The following TRIP4 variants were observed in gnomAD, a reference collection of about 807,000 sequenced individuals.
TRIP4 encodes activating signal cointegrator 1.
TRIP4 carries 54 observed loss-of-function variants against 81.8 expected under a neutral mutation model. That is an observed-to-expected ratio of 0.66 (90% CI 0.53 to 0.83). The LOEUF (loss-of-function observed/expected upper bound fraction) is 0.83, where lower values mean the gene tolerates loss of function less well. Ranked by LOEUF, TRIP4 falls within the 40% of genes least tolerant of loss-of-function variation. TRIP4 has a pLI of 0.00. For synonymous variants in TRIP4, 270 were observed against 242.8 expected (o/e 1.11, Z -1.04); for missense variants, 662 against 683.6 (o/e 0.97, Z 0.35).
At chr15:64,390,118 T>C (rs1229073928) in intron 1 of TRIP4, among the ~76,000 whole-genome samples, 1 of 147,008 alleles carries the variant, frequency 6.8e-6, no homozygotes, top group Non-Finnish European at 1.5e-5. Flanking sequence ...TCAAATATTA[T>C]ATTAAATATA....
intron 8 of TRIP4, among the ~76,000 whole-genome samples, chr15:64,414,512 CTTTTTTT>C (rs869202504): frequency 1.5e-4 from 13 of 87,058 alleles, no homozygotes; most frequent in Middle Eastern, 9.3e-3. Flanking sequence ...TGCTCTTTCT[CTTTTTTT>C]TTTTTTTTTT....
chr15:64,420,123 CTTT>C (rs756319494), intron 9 of TRIP4, among the ~76,000 whole-genome samples: 4 of 135,932 alleles, frequency 2.9e-5, no homozygotes, highest in Non-Finnish European at 3.2e-5. Context: ...TTCTTTCTTT[CTTT>C]TTTTTTTTTT....
At chr15:64,428,858 C>T (rs1892207772) in intron 11 of TRIP4, among the ~76,000 whole-genome samples, 3 of 151,906 alleles carry the variant, frequency 2.0e-5, no homozygotes, top group African/African-American at 2.4e-5. Flanking sequence ...GTGATACACC[C>T]GCATTGACCT....
chr15:64,388,610 T>C (rs1349707955), intron 1 of TRIP4, among the ~76,000 whole-genome samples: 2 of 152,164 alleles, frequency 1.3e-5, no homozygotes, highest in African/African-American at 4.8e-5. Context: ...CACCCAGATA[T>C]ACTCTGAACA....
At chr15:64,441,065 C>T (rs1432697158) in intron 11 of TRIP4, among the ~76,000 whole-genome samples, 1 of 151,794 alleles carries the variant, frequency 6.6e-6, no homozygotes, top group Non-Finnish European at 1.5e-5. Flanking sequence ...GGTGCGATCT[C>T]GGCTCACTGC....
At chr15:64,443,954 T>C (rs971062978) in intron 11 of TRIP4, among the ~76,000 whole-genome samples, 17 of 152,156 alleles carry the variant, frequency 1.1e-4, no homozygotes, top group African/African-American at 3.9e-4. Flanking sequence ...AAATCCCTTC[T>C]GTTTTCTCCA....
chr15:64,453,089 G>A (rs1892808087), intron 12 of TRIP4, among the ~76,000 whole-genome samples: 1 of 152,184 alleles, frequency 6.6e-6, no homozygotes, highest in Non-Finnish European at 1.5e-5. Flanking sequence ...GGGAGGCTAA[G>A]GCAGAATTGC....
At position 64,399,295 on chromosome 15, in the gene TRIP4, A is replaced by G. The variant is rs148831467; in HGVS notation, c.619-1448A>G. Among the ~76,000 whole-genome samples, 6 of 152,002 alleles carry G rather than the reference A, an allele frequency of 3.9e-5. No individual in the cohort carries two copies. The East Asian group carries it at 9.7e-4, about 25-fold the overall frequency. ...TATGCTCAGAATAAGCTGATAGACA[A>G]TGGATGACCTGAAAAATGTAGTGTC... On this transcript the variant is annotated intron_variant, in intron 4 of 12. Coordinates refer to ENST00000261884, the MANE Select transcript of TRIP4 (RefSeq NM_016213.5).
chr15:64,391,070 C>G (rs906282340), intron 1 of TRIP4, among the ~76,000 whole-genome samples: 16 of 152,164 alleles, frequency 1.1e-4, no homozygotes, highest in African/African-American at 9.6e-5. Flanking sequence ...TGAGAATTAC[C>G]CAGGTGTATG....
chr15:64,425,768 G>A (rs1327590715), intron 11 of TRIP4, 137 bp downstream of exon 11: 2 of 591,100 alleles, frequency 3.4e-6, no homozygotes, highest in Non-Finnish European at 2.8e-6. Context: ...CCAGCCTGGT[G>A]CATATAAATA....
intron 3 of TRIP4, among the ~76,000 whole-genome samples, chr15:64,397,044 T>A (rs1900315123): frequency 6.6e-6 from 1 of 152,238 alleles, no homozygotes; most frequent in African/African-American, 2.4e-5. Context: ...GGATATCTTT[T>A]GTTATGAAGT....
At chr15:64,438,161 G>GA (rs1892443124) in intron 11 of TRIP4, among the ~76,000 whole-genome samples, 1 of 152,190 alleles carries the variant, frequency 6.6e-6, no homozygotes, top group African/African-American at 2.4e-5. Flanking sequence ...AGATCTCTCA[G>GA]AGCACTGCCT....
intron 1 of TRIP4, among the ~76,000 whole-genome samples, chr15:64,389,304 T>C (rs2140542412): frequency 6.6e-6 from 1 of 152,276 alleles, no homozygotes; most frequent in Non-Finnish European, 1.5e-5. Context: ...AATAGACTTT[T>C]GGCAAGGAGA....
intron 9 of TRIP4, among the ~76,000 whole-genome samples, chr15:64,423,344 TC>T (rs1000118891): frequency 1.5e-4 from 23 of 150,824 alleles, no homozygotes; most frequent in Admixed American, 1.3e-3. Flanking sequence ...GTGCGTGTAG[TC>T]CCAGCTACTC....
At position 64,425,625 on chromosome 15, in the gene TRIP4, G is replaced by C; in HGVS notation, c.1569G>C (p.Lys523Asn). The C allele has an allele frequency of 6.2e-7, 1 of 1,610,156 alleles. No homozygotes were observed. Among genetic ancestry groups the C allele is most frequent in the Non-Finnish European group, 8.5e-7 (1 of 1,178,016 alleles). The change falls in exon 11 of 13, where the codon AAG (lysine) becomes AAC (asparagine). Residue 523 changes from lysine (K) to asparagine (N), a missense_variant. Lys to Asn is a moderately conservative substitution (Grantham distance 94, BLOSUM62 0). Transcript: ENST00000261884. Reference sequence around the variant, plus strand: ...ACTGCTTGTCCCAGAAGCAATTTAAGGAGCAGGTGAGTAAAGAATACTTTT... The same window carrying C: ...ACTGCTTGTCCCAGAAGCAATTTAACGAGCAGGTGAGTAAAGAATACTTTT... Reference protein sequence around the residue: ...LIDCLSQKQFKEQFPDISQES... With the variant: ...LIDCLSQKQFNEQFPDISQES...
At chr15:64,396,478 C>T (rs1318445529) in intron 3 of TRIP4, among the ~76,000 whole-genome samples, 1 of 151,964 alleles carries the variant, frequency 6.6e-6, no homozygotes, top group East Asian at 1.9e-4. Context: ...GGGGTTTCAC[C>T]ATGTTGGCCA....
At chr15:64,424,207 G>A (rs775515023) in intron 10 of TRIP4, 52 bp downstream of exon 10, 92 of 1,605,000 alleles carry the variant, frequency 5.7e-5, no homozygotes, top group Non-Finnish European at 7.7e-5. Context: ...AGAAGTCATT[G>A]ACGTTCATCT....
intron 8 of TRIP4, 149 bp downstream of exon 8, chr15:64,414,360 T>C: frequency 9.3e-7 from 1 of 1,070,186 alleles, no homozygotes; most frequent in Non-Finnish European, 1.3e-6. Context: ...CTGCCAACCT[T>C]ATTCTCTGGC....
chr15:64,409,698 A>T lies in TRIP4; in HGVS notation c.913A>T (p.Thr305Ser). 6.2e-7 allele frequency: 1 copy of T among 1,614,130 alleles called. No homozygotes were observed. The highest frequency in any genetic ancestry group is 8.5e-7 in the Non-Finnish European group (1 of 1,180,024). Residue 305 changes from threonine to serine, a missense_variant, in exon 7 of 13, where the codon ACC (threonine) becomes TCC (serine). Coordinates refer to ENST00000261884, the MANE Select transcript of TRIP4 (RefSeq NM_016213.5). The part of the protein sequence containing the change: ...NQWLSKLERE[T>S]LQKREEELRE... Reference sequence around the variant, plus strand: ...ATGGTTGTCCAAACTTGAGCGGGAAACCTTGCAGAAGCGAGAGGAGGAGCT... The same window carrying T: ...ATGGTTGTCCAAACTTGAGCGGGAATCCTTGCAGAAGCGAGAGGAGGAGCT...
Sources: allele counts gnomAD v4.1 joint callset (sites outside exome capture counted in the v4.1 genomes callset), GRCh38; gene constraint gnomAD v4.1.1; transcripts MANE v1.5; gene names NCBI Gene and HGNC (gene_info 2026-07-23, HGNC 2026-07-21).